ABCC6: variants seen among roughly 807,000 people sequenced by gnomAD.
ABCC6 encodes ATP binding cassette subfamily C member 6.
ABCC6 carries 126 observed loss-of-function variants against 169.5 expected under a neutral mutation model. The ratio of observed to expected loss-of-function variants is 0.74; its 90% CI spans 0.64 to 0.86. The LOEUF is 0.86. Among genes scored for constraint, ABCC6 ranks in the 40% least tolerant of loss-of-function variants. ABCC6 has a pLI of 0.00. For missense variants in ABCC6, 1,733 were observed against 1,927.2 expected (o/e 0.90, Z 1.89); for synonymous variants, 752 against 814.7 (o/e 0.92, Z 1.31).
intron 5 of ABCC6, among the ~76,000 whole-genome samples, chr16:16,212,874 T>C (rs1415768051): frequency 1.3e-5 from 2 of 151,930 alleles, no homozygotes; most frequent in African/African-American, 2.4e-5. Context: ...CCTCGGCAAA[T>C]GTTGTGAAGA....
At chr16:16,155,629 A>G in intron 27 of ABCC6, 1 of 157,584 alleles carries the variant, frequency 6.3e-6, no homozygotes, top group South Asian at 1.9e-4. Context: ...CATCTTATCC[A>G]TGTGTCCATT....
Position 16,170,754 on chromosome 16 carries a change from A to G in ABCC6, c.2788-901T>C, listed in dbSNP as rs912756939. 5.9e-5 allele frequency among the ~76,000 whole-genome samples: 9 copies of G among 151,836 alleles called. No individual in the cohort carries two copies. The South Asian group carries it at 1.9e-3, about 32-fold the overall frequency. ...ACCAACGTAGTGAAACCCCGTCTCT[A>G]CTAAAAATACAAAAATTAGCCACGT... On this transcript the variant is annotated intron_variant, in intron 21 of 30. Coordinates refer to ENST00000205557, the MANE Select transcript of ABCC6 (RefSeq NM_001171.6).
chr16:16,164,233 T>G (rs1047601977), intron 23 of ABCC6, among the ~76,000 whole-genome samples: 1 of 152,094 alleles, frequency 6.6e-6, no homozygotes, highest in East Asian at 1.9e-4. Flanking sequence ...AGTTTCACCA[T>G]GTTGACCAGG....
At chr16:16,178,009 A>T (rs2047339256) in intron 18 of ABCC6, among the ~76,000 whole-genome samples, 1 of 147,814 alleles carries the variant, frequency 6.8e-6, no homozygotes, top group South Asian at 2.1e-4. Context: ...GGAAGGAAAG[A>T]GAGAGAGAGA....
chr16:16,222,253 C>T lies in ABCC6; in HGVS notation c.37-422G>A, dbSNP rs901597751. On this transcript the variant is annotated intron_variant, in intron 1 of 30. Transcript: ENST00000205557. ...GAAACCAGCAGACTGAGGCACCAGTCGGGGAACTGCCTCCCCCAGGGACAC... is the reference window on the plus strand; with the variant it reads ...GAAACCAGCAGACTGAGGCACCAGTTGGGGAACTGCCTCCCCCAGGGACAC... Among the ~76,000 whole-genome samples, 6 of 152,164 alleles carry T rather than the reference C, an allele frequency of 3.9e-5. No individual in the cohort carries two copies. The South Asian group carries it at 6.2e-4, about 16-fold the overall frequency.
intron 21 of ABCC6, among the ~76,000 whole-genome samples, chr16:16,172,236 G>A (rs2047124116): frequency 6.6e-6 from 1 of 151,100 alleles, no homozygotes; most frequent in African/African-American, 2.4e-5. Flanking sequence ...TAAATGGGTG[G>A]GTGGGATGGA....
intron 9 of ABCC6, 36 bp from the exon 10 acceptor site, chr16:16,198,218 G>C: frequency 6.4e-7 from 1 of 1,559,084 alleles, no homozygotes; most frequent in South Asian, 1.2e-5. Context: ...GTAAAGTGGG[G>C]AGGCCGGGGC....
intron 25 of ABCC6, among the ~76,000 whole-genome samples, chr16:16,160,760 A>G (rs1273690363): frequency 6.6e-6 from 1 of 151,952 alleles, no homozygotes; most frequent in African/African-American, 2.4e-5. Context: ...AGCCAAGATC[A>G]TGCCACTGCA....
chr16:16,178,984 C>T lies in ABCC6; in HGVS notation c.2248-19G>A, dbSNP rs191392093. On this transcript the variant is annotated intron_variant, in intron 17 of 30. Transcript: ENST00000205557. Reference sequence around the variant, plus strand: ...TCATGCCCTGTGGCCACAAAAGGAACAGTGGCCTGAGTCAGCATCTACAGG... The same window carrying T: ...TCATGCCCTGTGGCCACAAAAGGAATAGTGGCCTGAGTCAGCATCTACAGG... The T allele has an allele frequency of 1.9e-6, 3 of 1,610,846 alleles. No individual in the cohort carries two copies. In the African/African-American group the frequency reaches 4.0e-5, roughly 22 times the overall value.
chr16:16,221,753 C>A lies in ABCC6; in HGVS notation c.115G>T (p.Val39Leu). Reference sequence around the variant, plus strand: ...AGGACCCAGAGGTACATGGGGGGTACCCAGACCCCTGCTGTTCTCAGGAAG... The same window carrying A: ...AGGACCCAGAGGTACATGGGGGGTAACCAGACCCCTGCTGTTCTCAGGAAG... ...LCFLRTAGVW[V>L]PPMYLWVLGP... Residue 39 changes from valine (V) to leucine (L), a missense_variant, in exon 2 of 31, where the codon GTA becomes TTA. Physicochemically the swap from Val to Leu is conservative, Grantham distance 32. Coordinates refer to ENST00000205557, the MANE Select transcript of ABCC6 (RefSeq NM_001171.6). The A allele has an allele frequency of 6.2e-7, 1 of 1,613,680 alleles. No homozygotes were observed. Among genetic ancestry groups the A allele is most frequent in the Non-Finnish European group, 8.5e-7 (1 of 1,179,758 alleles).
Position 16,154,870 on chromosome 16 carries a change from C to T in ABCC6, c.4041+3G>A. 1 of 1,612,676 alleles carries T rather than the reference C, an allele frequency of 6.2e-7. No individual in the cohort carries two copies. The highest frequency in any genetic ancestry group is 8.5e-7 in the Non-Finnish European group (1 of 1,179,464). ...CTTTGCCCACCCCCTCCACCAGCCT[C>T]ACCTGGGGGATGATGCTGATCCTGG... is the stretch of plus-strand genomic sequence containing the variant. On this transcript the variant is annotated splice_donor_region_variant and intron_variant, in intron 28 of 30. Coordinates refer to ENST00000205557, the MANE Select transcript of ABCC6 (RefSeq NM_001171.6).
intron 6 of ABCC6, 104 bp from the exon 7 acceptor site, chr16:16,208,963 C>G: frequency 6.4e-7 from 1 of 1,571,308 alleles, no homozygotes; most frequent in African/African-American, 1.3e-5. Context: ...CTTTACCTCT[C>G]TGTACCTCTA....
chr16:16,161,467 C>A lies in ABCC6; in HGVS notation c.3604G>T (p.Val1202Leu), dbSNP rs752683023. 1.2e-5 allele frequency: 19 copies of A among 1,613,928 alleles called. No homozygotes were observed. The highest frequency in any genetic ancestry group is 1.4e-5 in the Non-Finnish European group (16 of 1,180,030). ...LSKAHLSAGL[V>L]GFSVSAALQV... is the part of the protein sequence containing the mutation. ...AGGGCAGCAGAGACAGAGAAGCCCA[C>A]GAGGCCAGCACTGAGGTGGGCTTTG... The change falls in exon 25 of 31, where the codon GTG becomes TTG. Residue 1202 changes from valine to leucine, a missense_variant. Physicochemically the swap from Val to Leu is conservative, Grantham distance 32. Around this residue, in one of 5 missense-constraint regions of ABCC6, gnomAD observed 1,601 missense variants for 1,635.5 expected, o/e 0.98. Coordinates refer to ENST00000205557, the MANE Select transcript of ABCC6 (RefSeq NM_001171.6).
At chr16:16,201,754 G>C (rs2152282035) in intron 9 of ABCC6, among the ~76,000 whole-genome samples, 1 of 152,288 alleles carries the variant, frequency 6.6e-6, no homozygotes, top group Admixed American at 6.5e-5. Flanking sequence ...CTTGAACCCG[G>C]GAGGCGGAGG....
At position 16,188,979 on chromosome 16, in the gene ABCC6, G is replaced by T; in HGVS notation, c.1636-5C>A. The stretch of plus-strand genomic sequence containing the variant: ...AGCAAACACCACCAGTGCGACCTGG[G>T]GGGTGGGGGGGACACGTGGGGCAAC... On this transcript the variant is annotated splice_region_variant and splice_polypyrimidine_tract_variant and intron_variant, in intron 12 of 30. Transcript: ENST00000205557. The T allele has an allele frequency of 6.2e-7, 1 of 1,613,778 alleles. No homozygotes were observed. The highest frequency in any genetic ancestry group is 8.5e-7 in the Non-Finnish European group (1 of 1,180,006).
intron 14 of ABCC6, among the ~76,000 whole-genome samples, chr16:16,185,505 C>T (rs1357096757): frequency 1.3e-5 from 2 of 152,132 alleles, no homozygotes; most frequent in Non-Finnish European, 2.9e-5. Flanking sequence ...TTCACTGTGG[C>T]CGGCACAGTG....
chr16:16,177,647 A>G, intron 18 of ABCC6, 21 bp from the exon 19 acceptor site: 1 of 1,613,842 alleles, frequency 6.2e-7, no homozygotes, highest in Non-Finnish European at 8.5e-7. Flanking sequence ...AAGGGGTAGA[A>G]GTTACACACA....
chr16:16,171,721 T>C (rs948751196), intron 21 of ABCC6, among the ~76,000 whole-genome samples: 5 of 151,962 alleles, frequency 3.3e-5, no homozygotes, highest in Non-Finnish European at 7.4e-5. Context: ...GATGGATAAA[T>C]GAGTAGGTGG....
intron 25 of ABCC6, 26 bp downstream of exon 25, chr16:16,161,412 G>A (rs770920741): frequency 6.2e-7 from 1 of 1,613,550 alleles, no homozygotes. Context: ...TGTCCCTCAA[G>A]CCCAGTTTGG....
Sources: gnomAD v4.1 joint callset for allele counts (sites outside exome capture counted in the v4.1 genomes callset) on GRCh38, gnomAD v4.1.1 for gene constraint, gnomAD v4.1.1 regional missense constraint, MANE v1.5 for transcripts, NCBI Gene and HGNC (gene_info 2026-07-23, HGNC 2026-07-21) for gene names.